The following HNF4G variants were observed in gnomAD, a reference collection of about 807,000 sequenced individuals.
The protein encoded by HNF4G is hepatocyte nuclear factor 4 gamma.
Under a neutral mutation model 50.9 loss-of-function variants are expected in HNF4G, and 21 were observed. The observed-to-expected ratio is 0.41, with a 90% confidence interval of 0.29 to 0.59. The LOEUF (loss-of-function observed/expected upper bound fraction) is 0.59. Among genes scored for constraint, HNF4G ranks in the 20% least tolerant of loss-of-function variants. The probability of loss-of-function intolerance (pLI) is 0.26; values close to 1 mark genes in which losing one functional copy is unlikely to be tolerated. For synonymous variants in HNF4G, 198 were observed against 185.6 expected (o/e 1.07, Z -0.54); for missense variants, 527 against 559.4 (o/e 0.94, Z 0.58).
At chr8:75,553,743 A>T (rs561717231) in intron 5 of HNF4G, among the ~76,000 whole-genome samples, 2 of 152,276 alleles carry the variant, frequency 1.3e-5, no homozygotes, top group Non-Finnish European at 2.9e-5. Flanking sequence ...CATGTCTGGC[A>T]AAAAGAAAAA....
intron 2 of HNF4G, among the ~76,000 whole-genome samples, chr8:75,496,887 T>C (rs1397028836): frequency 6.6e-6 from 1 of 152,078 alleles, no homozygotes; most frequent in Non-Finnish European, 1.5e-5. Flanking sequence ...TTTGTGACTA[T>C]GAGAAATGCA....
intron 1 of HNF4G, among the ~76,000 whole-genome samples, chr8:75,423,063 T>C (rs1459297742): frequency 6.6e-6 from 1 of 152,162 alleles, no homozygotes; most frequent in Non-Finnish European, 1.5e-5. Flanking sequence ...GATTCAGCTG[T>C]CTTAATTTGT....
At chr8:75,492,476 A>G (rs1487511473) in intron 2 of HNF4G, among the ~76,000 whole-genome samples, 1 of 152,180 alleles carries the variant, frequency 6.6e-6, no homozygotes, top group East Asian at 1.9e-4. Flanking sequence ...ACCAGATGGG[A>G]GCATTATTGT....
At chr8:75,534,191 A>G (rs190917533) in intron 2 of HNF4G, among the ~76,000 whole-genome samples, 1 of 151,936 alleles carries the variant, frequency 6.6e-6, no homozygotes, top group Non-Finnish European at 1.5e-5. Flanking sequence ...AGTAGCAACA[A>G]TGATAATACC....
intron 1 of HNF4G, among the ~76,000 whole-genome samples, chr8:75,448,638 T>A (rs1388998359): frequency 6.6e-6 from 1 of 151,918 alleles, no homozygotes; most frequent in African/African-American, 2.4e-5. Context: ...TACTGCTGGA[T>A]ACTGTTATGA....
At chr8:75,435,901 A>C (rs1453697641) in intron 1 of HNF4G, among the ~76,000 whole-genome samples, 1 of 152,186 alleles carries the variant, frequency 6.6e-6, no homozygotes, top group East Asian at 1.9e-4. Flanking sequence ...GCCAAAAAAC[A>C]AATTTTAATG....
At chr8:75,499,831 A>G (rs959905075) in intron 2 of HNF4G, among the ~76,000 whole-genome samples, 1 of 152,046 alleles carries the variant, frequency 6.6e-6, no homozygotes, top group Admixed American at 6.6e-5. Context: ...ACAACTGGAA[A>G]TTTACATGCC....
intron 2 of HNF4G, 67 bp downstream of exon 2, chr8:75,544,046 G>T: frequency 7.1e-7 from 1 of 1,400,342 alleles, no homozygotes; most frequent in South Asian, 1.4e-5. Context: ...CAAAAAGTAA[G>T]AGAAGAAAAT....
intron 1 of HNF4G, among the ~76,000 whole-genome samples, chr8:75,423,017 C>T (rs1810808019): frequency 6.6e-6 from 1 of 152,096 alleles, no homozygotes; most frequent in Non-Finnish European, 1.5e-5. Flanking sequence ...TGATATTCTG[C>T]TGGGCTTAAT....
At chr8:75,443,744 C>T (rs1458184054) in intron 1 of HNF4G, among the ~76,000 whole-genome samples, 1 of 152,074 alleles carries the variant, frequency 6.6e-6, no homozygotes, top group Non-Finnish European at 1.5e-5. Context: ...TGTGTACATT[C>T]TTCTATGTCA....
intron 1 of HNF4G, among the ~76,000 whole-genome samples, chr8:75,413,699 CA>C (rs1184365577): frequency 6.6e-6 from 1 of 151,136 alleles, no homozygotes; most frequent in Non-Finnish European, 1.5e-5. Context: ...TGAAACCCCA[CA>C]AAAAAATGAG....
chr8:75,454,150 A>C (rs1811660949), intron 1 of HNF4G, among the ~76,000 whole-genome samples: 1 of 150,310 alleles, frequency 6.7e-6, no homozygotes, highest in African/African-American at 2.5e-5. Flanking sequence ...TACAGAGAAA[A>C]GGCCCTGTGA....
At chr8:75,461,598 C>G (rs1811842692) in intron 1 of HNF4G, among the ~76,000 whole-genome samples, 1 of 152,112 alleles carries the variant, frequency 6.6e-6, no homozygotes, top group African/African-American at 2.4e-5. Flanking sequence ...CTGCCTACTA[C>G]AAAAGCTAAA....
intron 2 of HNF4G, among the ~76,000 whole-genome samples, chr8:75,532,247 A>T (rs1806346822): frequency 6.6e-6 from 1 of 151,970 alleles, no homozygotes; most frequent in Non-Finnish European, 1.5e-5. Flanking sequence ...TATTGTTTTC[A>T]TTTCTGGCTG....
chr8:75,416,619 C>A (rs1810642372), intron 1 of HNF4G, among the ~76,000 whole-genome samples: 4 of 152,102 alleles, frequency 2.6e-5, no homozygotes. Flanking sequence ...ATACACATTA[C>A]TGTATGTTAT....
Position 75,552,019 on chromosome 8 carries a change from A to G in HNF4G, c.489+525A>G, listed in dbSNP as rs564033951. On this transcript the variant is annotated intron_variant, in intron 4 of 9. Transcript: ENST00000396423. The stretch of plus-strand genomic sequence containing the variant: ...AAATAACAGTTCTACAGTTAAAAAA[A>G]TAAGTCATTAGTTATATACATAAAA... Among the ~76,000 whole-genome samples the G allele has an allele frequency of 1.7e-4, 26 of 152,346 alleles. 1 individual carries two copies. The South Asian group carries it at 5.4e-3, about 32-fold the overall frequency.
At chr8:75,478,803 G>A (rs1453425184) in intron 1 of HNF4G, among the ~76,000 whole-genome samples, 1 of 151,892 alleles carries the variant, frequency 6.6e-6, no homozygotes, top group Non-Finnish European at 1.5e-5. Context: ...TGCTCACCAC[G>A]ACTTCCGCCT....
intron 2 of HNF4G, among the ~76,000 whole-genome samples, chr8:75,502,678 A>T (rs1158858616): frequency 6.6e-6 from 1 of 152,200 alleles, no homozygotes; most frequent in African/African-American, 2.4e-5. Context: ...GTGGAAAAAC[A>T]GGCATTCTAT....
rs1252901261 is a variant in HNF4G at position 75,447,744 on chromosome 8, C to T, written c.-144+39582C>T. Reference sequence around the variant, plus strand: ...AAAACCACTATGAGATATCATCTCACACCAGTTAGAATGGCAATCATTAAA... The same window carrying T: ...AAAACCACTATGAGATATCATCTCATACCAGTTAGAATGGCAATCATTAAA... On this transcript the variant is annotated intron_variant, in intron 1 of 10. Transcript: ENST00000354370. Among the ~76,000 whole-genome samples, 7 of 147,044 alleles carry T rather than the reference C, an allele frequency of 4.8e-5. No individual in the cohort carries two copies. In the South Asian group the frequency reaches 1.5e-3, roughly 32 times the overall value.
Sources: gnomAD v4.1 joint callset for allele counts (sites outside exome capture counted in the v4.1 genomes callset) on GRCh38, gnomAD v4.1.1 for gene constraint, MANE v1.5 for transcripts, NCBI Gene and HGNC (gene_info 2026-07-23, HGNC 2026-07-21) for gene names.